Variants in ZNF326 observed in about 807,000 individuals in gnomAD.
The protein encoded by ZNF326 is zinc finger protein 326, also known as DBIRD complex subunit ZNF326.
In ZNF326, 30 loss-of-function variants were observed where a neutral mutation model predicts 63.1. That is an observed-to-expected ratio of 0.48 (90% CI 0.36 to 0.64). The LOEUF is 0.64. Ranked by LOEUF, ZNF326 falls within the 30% of genes least tolerant of loss-of-function variation. ZNF326 has a pLI of 0.00. For synonymous variants in ZNF326, 194 were observed against 228.2 expected, an observed-to-expected ratio of 0.85 and a Z score of 1.35; for missense variants, 609 against 720.3, an observed-to-expected ratio of 0.85 and a Z score of 1.77.
intron 5 of ZNF326, among the ~76,000 whole-genome samples, chr1:90,009,807 A>G (rs1649149544): frequency 6.6e-6 from 1 of 152,178 alleles, no homozygotes; most frequent in Admixed American, 6.5e-5. Context: ...TATGTTGTCT[A>G]TAATCTCAAG....
At chr1:90,002,022 A>G (rs1648709627) in intron 2 of ZNF326, among the ~76,000 whole-genome samples, 1 of 152,194 alleles carries the variant, frequency 6.6e-6, no homozygotes, top group Non-Finnish European at 1.5e-5. Flanking sequence ...TTCTGGGTAA[A>G]TTACTATCAT....
chr1:89,997,575 T>G (rs1451891079), intron 1 of ZNF326, among the ~76,000 whole-genome samples: 2 of 152,120 alleles, frequency 1.3e-5, no homozygotes, highest in Admixed American at 1.3e-4. Flanking sequence ...GGTTTCACCA[T>G]ATTGGACGGG....
intron 8 of ZNF326, among the ~76,000 whole-genome samples, chr1:90,018,064 C>T (rs547310635): frequency 2.0e-5 from 3 of 152,194 alleles, no homozygotes; most frequent in South Asian, 2.1e-4. Flanking sequence ...GAGGCTGAAG[C>T]GGGTGGATCA....
chr1:90,032,838 CAG>C lies in ZNF326; in HGVS notation c.*5140_*5141del, dbSNP rs1650331426. Reference sequence around the variant, plus strand: ...TGTTTGCCAAATAAGGTGAGACTCACAGAGTATATGTGCAGAGCATATAATGC... The same window carrying C: ...TGTTTGCCAAATAAGGTGAGACTCACAGTATATGTGCAGAGCATATAATGC... On this transcript the variant is annotated 3_prime_UTR_variant, in exon 12 of 12. Transcript: ENST00000340281. The C allele has an allele frequency of 1.3e-5, 2 of 152,176 alleles. No individual in the cohort carries two copies. Among genetic ancestry groups the C allele is most frequent in the African/African-American group, 4.8e-5 (2 of 41,438 alleles). The allele number at this position is 152,176 out of a possible 1,614,324, so 9.4% of individuals were successfully genotyped here. A position where few individuals can be genotyped will look rare whatever the true frequency, so the allele number is the denominator to read the frequency against.
In ZNF326 at chr1:89,995,149, C is replaced by T; in HGVS notation, c.-109C>T. ...CTGCGGCTCCCGGGCTGGTAGCGCG[C>T]CGCTCTCGGTCGCGCGGAGTGATCG... On this transcript the variant is annotated 5_prime_UTR_variant, in exon 1 of 12. Coordinates refer to ENST00000340281, the MANE Select transcript of ZNF326 (RefSeq NM_182976.4). 1 of 1,362,632 alleles carries T rather than the reference C, an allele frequency of 7.3e-7. No individual in the cohort carries two copies. The highest frequency in any genetic ancestry group is 9.9e-7 in the Non-Finnish European group (1 of 1,007,712). 84.4% of individuals were successfully genotyped at this position (1,362,632 alleles called of 1,614,324 possible). A position where few individuals can be genotyped will look rare whatever the true frequency, so the allele number is the denominator to read the frequency against.
chr1:90,027,208 C>A, intron 11 of ZNF326, 146 bp from the exon 12 acceptor site: 1 of 760,640 alleles, frequency 1.3e-6, no homozygotes, highest in Non-Finnish European at 2.1e-6. Flanking sequence ...GGACAGTCAA[C>A]AAATACTTAA....
At chr1:90,021,066 A>AG in intron 10 of ZNF326, 144 bp downstream of exon 10, 2 of 880,418 alleles carry the variant, frequency 2.3e-6, no homozygotes, top group Non-Finnish European at 3.4e-6. Flanking sequence ...TCAGAGAGGC[A>AG]GTATATAGTG....
intron 7 of ZNF326, among the ~76,000 whole-genome samples, chr1:90,015,300 G>T (rs550439623): frequency 1.3e-5 from 2 of 152,296 alleles, no homozygotes; most frequent in South Asian, 4.1e-4. Context: ...GAAAGAGATG[G>T]ATGTGTGAGA....
In ZNF326 at chr1:90,027,846, G is replaced by A. The variant is rs1229313284; in HGVS notation, c.*145G>A. ...AATTTGTTTTATATAATTTCTAAAT[G>A]TTTAACATTTGTTTAATAAAATGAA... On this transcript the variant is annotated 3_prime_UTR_variant, in exon 12 of 12. Coordinates refer to ENST00000340281, the MANE Select transcript of ZNF326 (RefSeq NM_182976.4). 4.1e-6 allele frequency: 3 copies of A among 734,774 alleles called. No homozygotes were observed. The highest frequency in any genetic ancestry group is 6.4e-6 in the Non-Finnish European group (3 of 469,692). The allele number at this position is 734,774 out of a possible 1,614,324, so 45.5% of individuals were successfully genotyped here. A position where few individuals can be genotyped will look rare whatever the true frequency, so the allele number is the denominator to read the frequency against.
chr1:90,010,622 G>A (rs1442763658), intron 6 of ZNF326, among the ~76,000 whole-genome samples: 2 of 152,068 alleles, frequency 1.3e-5, no homozygotes, highest in Non-Finnish European at 2.9e-5. Flanking sequence ...TTATTCCAGA[G>A]CAAGTCATGC....
chr1:90,017,059 A>G (rs1379953427), intron 7 of ZNF326, among the ~76,000 whole-genome samples: 1 of 152,202 alleles, frequency 6.6e-6, no homozygotes, highest in African/African-American at 2.4e-5. Context: ...GAAGTGGATA[A>G]CTTATAGATC....
rs893249371 is a variant in ZNF326 at position 89,995,195 on chromosome 1, A to G, written c.-63A>G. 2 of 1,518,922 alleles carry G rather than the reference A, an allele frequency of 1.3e-6. No individual in the cohort carries two copies. The highest frequency in any genetic ancestry group is 1.2e-5 in the South Asian group (1 of 82,222). The allele number at this position is 1,518,922 out of a possible 1,614,324, so 94.1% of individuals were successfully genotyped here. Reference sequence around the variant, plus strand: ...GATCGTGTGGAATCGCGGGTCGCGGACGCTCGCCGCCGGCCATAGCTCAGC... The same window carrying G: ...GATCGTGTGGAATCGCGGGTCGCGGGCGCTCGCCGCCGGCCATAGCTCAGC... On this transcript the variant is annotated 5_prime_UTR_variant, in exon 1 of 12. Coordinates refer to ENST00000340281, the MANE Select transcript of ZNF326 (RefSeq NM_182976.4).
At chr1:90,012,176 A>G (rs1009974922) in intron 6 of ZNF326, among the ~76,000 whole-genome samples, 1 of 152,224 alleles carries the variant, frequency 6.6e-6, no homozygotes, top group Non-Finnish European at 1.5e-5. Flanking sequence ...AGCATTATTC[A>G]TAATTGCCAA....
At chr1:90,020,572 CT>C (rs1649718105) in intron 9 of ZNF326, among the ~76,000 whole-genome samples, 1 of 151,946 alleles carries the variant, frequency 6.6e-6, no homozygotes, top group South Asian at 2.1e-4. Context: ...TGATTAGGAA[CT>C]ATAATGTAAT....
At chr1:89,998,313 G>C (rs1372433086) in intron 2 of ZNF326, among the ~76,000 whole-genome samples, 159 bp downstream of exon 2, 1 of 151,894 alleles carries the variant, frequency 6.6e-6, no homozygotes, top group Non-Finnish European at 1.5e-5. Flanking sequence ...TGGGGAATGT[G>C]CTATCAGAAA....
chr1:90,010,387 T>G (rs1649179740), intron 6 of ZNF326, 101 bp downstream of exon 6: 2 of 1,237,496 alleles, frequency 1.6e-6, no homozygotes, highest in African/African-American at 1.5e-5. Flanking sequence ...AGAAACTACA[T>G]AACAATTATG....
chr1:90,012,080 C>T (rs575204033), intron 6 of ZNF326, among the ~76,000 whole-genome samples: 141 of 152,212 alleles, frequency 9.3e-4, no homozygotes, highest in Non-Finnish European at 1.5e-3. Flanking sequence ...GTGATCCATC[C>T]GCCTCAGCCT....
At position 90,034,514 on chromosome 1, in the gene ZNF326, C is replaced by G. The variant is rs1466616611; in HGVS notation, c.*6813C>G. 1 of 151,944 alleles carries G rather than the reference C, an allele frequency of 6.6e-6. No individual in the cohort carries two copies. The highest frequency in any genetic ancestry group is 1.5e-5 in the Non-Finnish European group (1 of 67,960). 9.4% of individuals were successfully genotyped at this position (151,944 alleles called of 1,614,324 possible). On this transcript the variant is annotated 3_prime_UTR_variant, in exon 12 of 12. Transcript: ENST00000340281. ...TTTTCAAATGCCATGAAAAAATGACCATGAAGCAAAAACCACAATATTTTT... is the reference window on the plus strand; with the variant it reads ...TTTTCAAATGCCATGAAAAAATGACGATGAAGCAAAAACCACAATATTTTT...
intron 2 of ZNF326, among the ~76,000 whole-genome samples, chr1:90,001,706 AC>A (rs1232534435): frequency 1.3e-5 from 2 of 152,044 alleles, no homozygotes; most frequent in African/African-American, 4.8e-5. Flanking sequence ...GGCACCCACC[AC>A]CATGCCTGGC....
Sources: gnomAD v4.1 joint callset for allele counts (sites outside exome capture counted in the v4.1 genomes callset) on GRCh38, gnomAD v4.1.1 for gene constraint, MANE v1.5 for transcripts, NCBI Gene and HGNC (gene_info 2026-07-23, HGNC 2026-07-21) for gene names.